PDHA1: variants seen among roughly 807,000 people sequenced by gnomAD.
The protein encoded by PDHA1 is pyruvate dehydrogenase E1 component subunit alpha, somatic form, mitochondrial.
In PDHA1, 1 loss-of-function variant was observed where a neutral mutation model predicts 33.0. The ratio of observed to expected loss-of-function variants is 0.03; its 90% CI spans 0.01 to 0.14. The LOEUF is 0.14. Among genes scored for constraint, PDHA1 ranks in the 10% least tolerant of loss-of-function variants. The pLI is 1.00. For missense variants in PDHA1, 168 were observed against 325.1 expected (o/e 0.52, Z 3.72); for synonymous variants, 123 against 119.2 (o/e 1.03, Z -0.21).
In PDHA1 at chrX:19,360,086, AAGAGGAC is replaced by A; in HGVS notation, c.*436_*442del. ...CAAGATACAATATTTATTATCAGGC[AAGAGGAC>A]AGTTCCATTTTAAAATAAGACTTTT... On this transcript the variant is annotated 3_prime_UTR_variant, in exon 11 of 11. Transcript: ENST00000422285. 5.8e-6 allele frequency: 1 copy of A among 173,009 alleles called. No homozygotes were observed. Among genetic ancestry groups the A allele is most frequent in the Non-Finnish European group, 1.1e-5 (1 of 92,861 alleles). The allele number at this position is 173,009 out of a possible 1,213,427, so 14.3% of individuals were successfully genotyped here. A position where few individuals can be genotyped will look rare whatever the true frequency, so the allele number is the denominator to read the frequency against.
At position 19,361,536 on chromosome X, in the gene PDHA1, T is replaced by A; in HGVS notation, c.*1883T>A. On this transcript the variant is annotated 3_prime_UTR_variant, in exon 11 of 11. Coordinates refer to ENST00000422285, the MANE Select transcript of PDHA1 (RefSeq NM_000284.4). Reference sequence around the variant, plus strand: ...ATCAGCTCCTTGCAGCCGCAACCAGTCTATAAGCTCTTTATCTGTTCTCTG... The same window carrying A: ...ATCAGCTCCTTGCAGCCGCAACCAGACTATAAGCTCTTTATCTGTTCTCTG... The A allele has an allele frequency of 8.3e-7, 1 of 1,211,656 alleles. No homozygotes were observed. Among genetic ancestry groups the A allele is most frequent in the Non-Finnish European group, 1.1e-6 (1 of 895,191 alleles).
In PDHA1 at chrX:19,351,348, C is replaced by T. The variant is rs1197719770; in HGVS notation, c.359C>T (p.Ala120Val). The T allele has an allele frequency of 8.3e-7, 1 of 1,209,396 alleles. No homozygotes were observed. The highest frequency in any genetic ancestry group is 1.1e-6 in the Non-Finnish European group (1 of 893,179). The change falls in exon 4 of 11, where the codon GCT (alanine) becomes GTT (valine). Residue 120 changes from alanine (A) to valine (V), a missense_variant. Coordinates refer to ENST00000422285, the MANE Select transcript of PDHA1 (RefSeq NM_000284.4). ...GACCATCTCATCACAGCCTACCGGG[C>T]TCACGGCTTTACTTTCACCCGGGGC... is the stretch of plus-strand genomic sequence containing the variant. The part of the protein sequence containing the change: ...PTDHLITAYR[A>V]HGFTFTRGLS...
intron 6 of PDHA1, among the ~76,000 whole-genome samples, chrX:19,354,804 T>G (rs1284772354): frequency 8.9e-6 from 1 of 112,921 alleles, no homozygotes; most frequent in Non-Finnish European, 1.9e-5. Flanking sequence ...AGCTCACCTT[T>G]GCTCTACATC....
intron 3 of PDHA1, among the ~76,000 whole-genome samples, chrX:19,350,320 G>A (rs1167056743): frequency 8.9e-6 from 1 of 111,924 alleles, no homozygotes; most frequent in Non-Finnish European, 1.9e-5. Context: ...TCTGGTTAGA[G>A]TACAGTGTGA....
rs781670523 is a variant in PDHA1 at position 19,359,797 on chromosome X, T to C, written c.*144T>C. 3.0e-5 allele frequency: 16 copies of C among 538,186 alleles called. No individual in the cohort carries two copies. The South Asian group carries it at 3.8e-4, about 13-fold the overall frequency. The allele number at this position is 538,186 out of a possible 1,213,427, so 44.4% of individuals were successfully genotyped here. A position where few individuals can be genotyped will look rare whatever the true frequency, so the allele number is the denominator to read the frequency against. ...AGTGTGTAGATTGAGCAGGTAGTAATTGCATGCAGTTTGTACATTAGTGCA... is the reference window on the plus strand; with the variant it reads ...AGTGTGTAGATTGAGCAGGTAGTAACTGCATGCAGTTTGTACATTAGTGCA... On this transcript the variant is annotated 3_prime_UTR_variant, in exon 11 of 11. Transcript: ENST00000422285.
At chrX:19,356,589 C>T (rs893304398) in intron 8 of PDHA1, among the ~76,000 whole-genome samples, 1 of 111,838 alleles carries the variant, frequency 8.9e-6, no homozygotes, top group African/African-American at 3.3e-5. Flanking sequence ...CTGGGAGTGC[C>T]AGGCCCTGAG....
chrX:19,344,511 AG>A (rs1889567502), intron 1 of PDHA1, among the ~76,000 whole-genome samples: 2 of 113,270 alleles, frequency 1.8e-5, no homozygotes, highest in South Asian at 7.1e-4. Context: ...ATCTGGAGAC[AG>A]GGTGGCTTCG....
chrX:19,344,235 C>T (rs1270121337), intron 1 of PDHA1, 141 bp downstream of exon 1: 5 of 503,665 alleles, frequency 9.9e-6, no homozygotes, highest in Non-Finnish European at 1.6e-5. Context: ...GCCTCCGCGC[C>T]CTGCATTCCG....
At chrX:19,357,542 A>AGACTACACTGGACGCTTAATAAAGGGC in intron 8 of PDHA1, 110 bp from the exon 9 acceptor site, 2 of 608,650 alleles carry the variant, frequency 3.3e-6, no homozygotes, top group Non-Finnish European at 5.8e-6. Flanking sequence ...AGATCTGATA[A>AGACTACACTGGACGCTTAATAAAGGGC]GACTACACTG....
At chrX:19,345,763 C>A (rs1159573486) in intron 1 of PDHA1, 1 of 289,653 alleles carries the variant, frequency 3.5e-6, no homozygotes, top group Non-Finnish European at 6.7e-6. Flanking sequence ...CCCCCGCCAC[C>A]TTACAGTAGG....
chrX:19,345,134 A>G (rs189091822), intron 1 of PDHA1, among the ~76,000 whole-genome samples: 4 of 111,401 alleles, frequency 3.6e-5, no homozygotes, highest in Non-Finnish European at 7.5e-5. Flanking sequence ...CCCCCTAGGC[A>G]CAGTGAGGTC....
intron 1 of PDHA1, chrX:19,346,608 T>C: frequency 1.0e-6 from 1 of 957,890 alleles, no homozygotes; most frequent in Non-Finnish European, 1.3e-6. Context: ...ACTCTCACTC[T>C]CTTAAAACCA....
At chrX:19,353,036 G>A in intron 4 of PDHA1, 46 bp from the exon 5 acceptor site, 3 of 1,060,832 alleles carry the variant, frequency 2.8e-6, no homozygotes, top group Non-Finnish European at 4.0e-6. Flanking sequence ...GGTTTGCTTT[G>A]TAGAGTTGGT....
intron 9 of PDHA1, among the ~76,000 whole-genome samples, chrX:19,357,939 T>TTTTAAAGAAAGAGTGTTATATACC (rs1195780330): frequency 4.5e-5 from 5 of 112,255 alleles, no homozygotes; most frequent in African/African-American, 1.6e-4. Flanking sequence ...AAGCAGCAAT[T>TTTTAAAGAAAGAGTGTTATATACC]TTTAAAGAAA....
chrX:19,345,865 T>TTTCTG (rs1481584905), intron 1 of PDHA1: 2 of 200,410 alleles, frequency 1.0e-5, no homozygotes, highest in Non-Finnish European at 2.0e-5. Context: ...AATTAGAAGT[T>TTTCTG]TTCTGTGTCA....
intron 5 of PDHA1, chrX:19,353,381 C>T: frequency 2.2e-6 from 1 of 459,680 alleles, no homozygotes; most frequent in Non-Finnish European, 3.9e-6. Flanking sequence ...GTTGTAGTGG[C>T]ACAACACATT....
At chrX:19,349,559 T>TG (rs1262842313) in intron 2 of PDHA1, among the ~76,000 whole-genome samples, 188 bp downstream of exon 2, 9 of 111,090 alleles carry the variant, frequency 8.1e-5, no homozygotes, top group Non-Finnish European at 3.8e-5. Context: ...TGTTGTTCTG[T>TG]GGGGGGAAGG....
intron 3 of PDHA1, 123 bp from the exon 4 acceptor site, chrX:19,351,158 C>A: frequency 1.4e-6 from 1 of 711,098 alleles, no homozygotes; most frequent in Non-Finnish European, 2.2e-6. Flanking sequence ...TGGAAAATAG[C>A]TACTTTCTCT....
At chrX:19,355,973 T>C (rs1340688581) in intron 8 of PDHA1, among the ~76,000 whole-genome samples, 1 of 112,061 alleles carries the variant, frequency 8.9e-6, no homozygotes, top group Non-Finnish European at 1.9e-5. Flanking sequence ...AAGTCCGTTC[T>C]GGTGCTTCCT....
Sources: allele counts gnomAD v4.1 joint callset (sites outside exome capture counted in the v4.1 genomes callset), GRCh38; gene constraint gnomAD v4.1.1; transcripts MANE v1.5; gene names NCBI Gene and HGNC (gene_info 2026-07-23, HGNC 2026-07-21).